Variants in AFAP1 observed in about 807,000 individuals in gnomAD.
AFAP1 encodes actin filament-associated protein 1.
In AFAP1, 75 loss-of-function variants were observed where a neutral mutation model predicts 93.9. The ratio of observed to expected loss-of-function variants is 0.80; its 90% CI spans 0.66 to 0.97. AFAP1 has a LOEUF of 0.97. Among genes scored for constraint, AFAP1 ranks in the 50% least tolerant of loss-of-function variants. The pLI, the probability that AFAP1 is intolerant of heterozygous loss-of-function variation, is 0.00. For synonymous variants in AFAP1, 517 were observed against 430.7 expected (o/e 1.20, Z -2.48); for missense variants, 1,201 against 1,050.8 (o/e 1.14, Z -1.98).
chr4:7,765,878 G>A (rs984994363), intron 17 of AFAP1, among the ~76,000 whole-genome samples: 1 of 152,186 alleles, frequency 6.6e-6, no homozygotes, highest in Non-Finnish European at 1.5e-5. Context: ...AGGAGACAGG[G>A]TCTGTGAAAG....
intron 5 of AFAP1, among the ~76,000 whole-genome samples, chr4:7,840,977 C>T (rs773783844): frequency 6.6e-6 from 1 of 152,160 alleles, no homozygotes; most frequent in Non-Finnish European, 1.5e-5. Context: ...ATCTCAAACG[C>T]TTATCATTTC....
At chr4:7,822,336 A>C (rs1721038581) in intron 6 of AFAP1, among the ~76,000 whole-genome samples, 1 of 152,104 alleles carries the variant, frequency 6.6e-6, no homozygotes, top group Non-Finnish European at 1.5e-5. Flanking sequence ...TAAACGTTAA[A>C]ACAAATGTGA....
chr4:7,927,450 A>G (rs1720828271), intron 1 of AFAP1, among the ~76,000 whole-genome samples: 1 of 152,254 alleles, frequency 6.6e-6, no homozygotes, highest in South Asian at 2.1e-4. Context: ...ATTAGTGCAT[A>G]TAAGGCATTC....
intron 1 of AFAP1, among the ~76,000 whole-genome samples, chr4:7,872,856 T>A (rs1340364337): frequency 4.1e-5 from 6 of 144,796 alleles, no homozygotes; most frequent in Non-Finnish European, 9.0e-5. Context: ...TTAGCACGAA[T>A]CAAGGAAGTG....
intron 1 of AFAP1, among the ~76,000 whole-genome samples, chr4:7,899,482 T>C (rs544245578): frequency 1.8e-4 from 28 of 152,358 alleles, no homozygotes; most frequent in African/African-American, 6.7e-4. Flanking sequence ...ACAAATTATC[T>C]TCCCTCGAGA....
rs758418516 is a variant in AFAP1 at position 7,816,032 on chromosome 4, T to C, written c.890A>G (p.Asn297Ser). The C allele has an allele frequency of 1.9e-6, 3 of 1,612,776 alleles. No individual in the cohort carries two copies. The highest frequency in any genetic ancestry group is 2.5e-6 in the Non-Finnish European group (3 of 1,179,524). Residue 297 changes from asparagine to serine, a missense_variant, in exon 8 of 18, where the codon AAT (asparagine) becomes AGT (serine). Physicochemically the swap from Asn to Ser is conservative, Grantham distance 46. Transcript: ENST00000420658. ...GVVENGITTC[N>S]GKEQVKRKKS... Reference sequence around the variant, plus strand: ...GCAGAACTCACCTTGCTCCTTTCCATTACATGTGGTAATTCCATTTTCCAC... The same window carrying C: ...GCAGAACTCACCTTGCTCCTTTCCACTACATGTGGTAATTCCATTTTCCAC...
chr4:7,855,265 C>T (rs1401550442), intron 4 of AFAP1, among the ~76,000 whole-genome samples: 1 of 152,212 alleles, frequency 6.6e-6, no homozygotes, highest in Non-Finnish European at 1.5e-5. Context: ...AGACAGCAAT[C>T]GGAAGAGAGG....
At chr4:7,858,693 C>A (rs555701853) in intron 3 of AFAP1, among the ~76,000 whole-genome samples, 2 of 152,324 alleles carry the variant, frequency 1.3e-5, no homozygotes, top group African/African-American at 4.8e-5. Context: ...CGCAGGCGCA[C>A]AGCCACTCAC....
At chr4:7,879,604 G>T (rs984138737) in intron 1 of AFAP1, among the ~76,000 whole-genome samples, 1 of 151,970 alleles carries the variant, frequency 6.6e-6, no homozygotes, top group African/African-American at 2.4e-5. Flanking sequence ...TTACCTGGAG[G>T]CGTTTCTGCA....
At chr4:7,810,628 A>C (rs1719932139) in intron 8 of AFAP1, among the ~76,000 whole-genome samples, 2 of 152,228 alleles carry the variant, frequency 1.3e-5, no homozygotes, top group Non-Finnish European at 2.9e-5. Flanking sequence ...CGGTTTAGCC[A>C]GGACAGTGTT....
At chr4:7,863,862 G>C (rs867473278) in intron 3 of AFAP1, among the ~76,000 whole-genome samples, 2 of 148,958 alleles carry the variant, frequency 1.3e-5, no homozygotes, top group African/African-American at 5.0e-5. Flanking sequence ...AAGTGCGGTT[G>C]TGCTTCAACG....
chr4:7,907,423 A>T (rs1719475112), intron 1 of AFAP1, among the ~76,000 whole-genome samples: 1 of 152,238 alleles, frequency 6.6e-6, no homozygotes, highest in Non-Finnish European at 1.5e-5. Flanking sequence ...GTCAGAACTA[A>T]CAGAGGCCTT....
intron 1 of AFAP1, among the ~76,000 whole-genome samples, chr4:7,882,718 G>C (rs1421446255): frequency 6.6e-6 from 1 of 152,138 alleles, no homozygotes; most frequent in African/African-American, 2.4e-5. Flanking sequence ...AATTAGCAGG[G>C]CGTGGTGGCA....
At chr4:7,889,718 T>A (rs1577337279) in intron 1 of AFAP1, among the ~76,000 whole-genome samples, 1 of 139,848 alleles carries the variant, frequency 7.2e-6, no homozygotes, top group Non-Finnish European at 1.6e-5. Context: ...AAAAGAACAA[T>A]TGAAAAATGA....
At chr4:7,852,594 C>CA (rs1353580637) in intron 4 of AFAP1, among the ~76,000 whole-genome samples, 1 of 152,006 alleles carries the variant, frequency 6.6e-6, no homozygotes, top group Non-Finnish European at 1.5e-5. Flanking sequence ...ACTGAAGGTC[C>CA]AGACCTTTCA....
Position 7,831,638 on chromosome 4 carries a change from A to C in AFAP1, c.726+6886T>G, listed in dbSNP as rs114024191. On this transcript the variant is annotated intron_variant, in intron 6 of 17. Coordinates refer to ENST00000420658, the MANE Select transcript of AFAP1 (RefSeq NM_001134647.2). ...CTCCAGGATGACTTCATGTCAGACC[A>C]GCACCAGCAAGAAGGGGGCTGCTCT... 2.3e-3 allele frequency among the ~76,000 whole-genome samples: 346 copies of C among 152,316 alleles called. 1 individual carries two copies. The highest frequency in any genetic ancestry group is 7.9e-3 in the African/African-American group (330 of 41,574).
rs760955132 is a variant in AFAP1 at position 7,819,188 on chromosome 4, C to T, written c.727-17G>A. The T allele has an allele frequency of 5.0e-6, 8 of 1,598,550 alleles. No homozygotes were observed. Among genetic ancestry groups the T allele is most frequent in the South Asian group, 1.1e-5 (1 of 88,472 alleles). On this transcript the variant is annotated splice_polypyrimidine_tract_variant and intron_variant, in intron 6 of 17. Coordinates refer to ENST00000420658, the MANE Select transcript of AFAP1 (RefSeq NM_001134647.2). ...TTTGATCACCTATAAAAAGCACAGACACTTTGTGAGTATGCCCAAAGGCAG... is the reference window on the plus strand; with the variant it reads ...TTTGATCACCTATAAAAAGCACAGATACTTTGTGAGTATGCCCAAAGGCAG...
intron 14 of AFAP1, 74 bp downstream of exon 14, chr4:7,778,688 G>C: frequency 6.9e-7 from 1 of 1,439,676 alleles, no homozygotes; most frequent in Non-Finnish European, 9.8e-7. Flanking sequence ...CTCACGGGTG[G>C]GCAGGCTCAG....
At chr4:7,855,786 A>G (rs1714982588) in intron 3 of AFAP1, among the ~76,000 whole-genome samples, 1 of 152,168 alleles carries the variant, frequency 6.6e-6, no homozygotes, top group Non-Finnish European at 1.5e-5. Context: ...CCCTGGCCAC[A>G]TGCCGTCCAG....
Sources: gnomAD v4.1 joint callset for allele counts (sites outside exome capture counted in the v4.1 genomes callset) on GRCh38, gnomAD v4.1.1 for gene constraint, MANE v1.5 for transcripts, NCBI Gene and HGNC (gene_info 2026-07-23, HGNC 2026-07-21) for gene names.